Variants in SLC24A2 observed in about 807,000 individuals in gnomAD.
The protein encoded by SLC24A2 is solute carrier family 24 member 2.
In SLC24A2, 36 loss-of-function variants were observed where a neutral mutation model predicts 62.0. That is an observed-to-expected ratio of 0.58 (90% confidence interval 0.44 to 0.77). SLC24A2 has a LOEUF of 0.77. Among genes scored for constraint, SLC24A2 ranks in the 30% least tolerant of loss-of-function variants. SLC24A2 has a pLI of 0.00. For synonymous variants in SLC24A2, 358 were observed against 294.0 expected, an observed-to-expected ratio of 1.22 and a Z score of -2.23; for missense variants, 846 against 817.9, an observed-to-expected ratio of 1.03 and a Z score of -0.42.
At chr9:19,857,057 G>C in the SLC24A2 span, among the ~76,000 whole-genome samples, 1 of 152,172 alleles carries the variant, frequency 6.6e-6, no homozygotes, top group African/African-American at 2.4e-5. Flanking sequence ...TACAGTTGTG[G>C]AAGTACAAAG....
At chr9:19,763,029 C>G (rs755704191) in intron 2 of SLC24A2, among the ~76,000 whole-genome samples, 4 of 151,984 alleles carry the variant, frequency 2.6e-5, no homozygotes, top group Non-Finnish European at 5.9e-5. Flanking sequence ...TTGAGGTGGT[C>G]CTTCACATCC....
chr9:19,591,797 G>A (rs1350898078), intron 5 of SLC24A2, among the ~76,000 whole-genome samples: 1 of 152,176 alleles, frequency 6.6e-6, no homozygotes, highest in Non-Finnish European at 1.5e-5. Context: ...ACACTTGAGA[G>A]AAAAATAAAC....
chr9:19,887,548 A>T, the SLC24A2 span, among the ~76,000 whole-genome samples: 3 of 152,180 alleles, frequency 2.0e-5, no homozygotes, highest in African/African-American at 7.2e-5. Flanking sequence ...AAATAAAAAA[A>T]TAATAGATGT....
chr9:19,842,876 C>G, the SLC24A2 span, among the ~76,000 whole-genome samples: 1 of 152,132 alleles, frequency 6.6e-6, no homozygotes, highest in Non-Finnish European at 1.5e-5. Flanking sequence ...TCCTGGGGAT[C>G]TCTCCCTTCT....
the SLC24A2 span, among the ~76,000 whole-genome samples, chr9:20,176,693 ATGGGTCTTAGGTCTACTTTGCTTG>A: frequency 3.3e-5 from 5 of 152,206 alleles, no homozygotes; most frequent in African/African-American, 1.2e-4. Flanking sequence ...ATTGGTGACT[ATGGGTCTTAGGTCTACTTTGCTTG>A]TAAACGTTGA....
chr9:19,558,376 G>C (rs1189058717), intron 7 of SLC24A2, among the ~76,000 whole-genome samples: 1 of 152,158 alleles, frequency 6.6e-6, no homozygotes, highest in Non-Finnish European at 1.5e-5. Context: ...AGAAAGACTT[G>C]TCTTTTAGCA....
At chr9:19,865,107 G>T in the SLC24A2 span, among the ~76,000 whole-genome samples, 2 of 151,932 alleles carry the variant, frequency 1.3e-5, no homozygotes, top group African/African-American at 4.8e-5. Flanking sequence ...AATTAAATAC[G>T]TAGGAATCGA....
chr9:20,154,381 G>T, the SLC24A2 span, among the ~76,000 whole-genome samples: 1 of 151,796 alleles, frequency 6.6e-6, no homozygotes, highest in African/African-American at 2.4e-5. Flanking sequence ...ATGTTGATTG[G>T]TGGGACAGAT....
At chr9:20,132,900 G>A in the SLC24A2 span, among the ~76,000 whole-genome samples, 1 of 152,018 alleles carries the variant, frequency 6.6e-6, no homozygotes, top group Admixed American at 6.6e-5. Context: ...TTACTAAGTG[G>A]TATAATCTAT....
At chr9:19,610,838 A>C (rs1837138674) in intron 4 of SLC24A2, among the ~76,000 whole-genome samples, 1 of 152,236 alleles carries the variant, frequency 6.6e-6, no homozygotes, top group Non-Finnish European at 1.5e-5. Context: ...CTAGCAGAAA[A>C]ATTATAAAGG....
the SLC24A2 span, among the ~76,000 whole-genome samples, chr9:20,270,404 G>C: frequency 3.5e-3 from 529 of 152,242 alleles, 9 homozygotes; most frequent in Admixed American, 0.034. Flanking sequence ...CGTAATTTAA[G>C]AGAATTAGTC....
chr9:20,210,577 C>T, the SLC24A2 span, among the ~76,000 whole-genome samples: 1 of 149,194 alleles, frequency 6.7e-6, no homozygotes, highest in Non-Finnish European at 1.5e-5. Flanking sequence ...GGGTTCACGC[C>T]ATTCTCCTGC....
chr9:20,037,810 C>G, the SLC24A2 span, among the ~76,000 whole-genome samples: 2 of 152,130 alleles, frequency 1.3e-5, no homozygotes, highest in Admixed American at 6.5e-5. Flanking sequence ...TAAATGGCCT[C>G]TAGTAGGTGG....
the SLC24A2 span, among the ~76,000 whole-genome samples, chr9:20,216,034 G>A: frequency 5.3e-5 from 8 of 152,160 alleles, no homozygotes; most frequent in African/African-American, 1.9e-4. Flanking sequence ...TTACAGCAGG[G>A]GAAACCCATT....
At chr9:20,144,658 GACC>G in the SLC24A2 span, among the ~76,000 whole-genome samples, 1 of 152,128 alleles carries the variant, frequency 6.6e-6, no homozygotes, top group Non-Finnish European at 1.5e-5. Flanking sequence ...ACTGTGGGGG[GACC>G]ACATTCCTGG....
intron 2 of SLC24A2, among the ~76,000 whole-genome samples, chr9:19,624,267 G>A (rs1817978706): frequency 1.3e-5 from 2 of 152,110 alleles, no homozygotes. Context: ...TGGCTAAATG[G>A]GAGACCAATA....
At chr9:20,221,402 G>C in the SLC24A2 span, among the ~76,000 whole-genome samples, 1 of 151,898 alleles carries the variant, frequency 6.6e-6, no homozygotes, top group Non-Finnish European at 1.5e-5. Flanking sequence ...AGAAAAGAAA[G>C]TTACCATGAA....
At chr9:19,898,767 ATAGGACAATGTC>A in the SLC24A2 span, among the ~76,000 whole-genome samples, 1 of 150,530 alleles carries the variant, frequency 6.6e-6, no homozygotes, top group East Asian at 1.9e-4. Context: ...AAAAAAAAGA[ATAGGACAATGTC>A]TAGGACAATG....
At chr9:20,217,760 A>T in the SLC24A2 span, among the ~76,000 whole-genome samples, 1 of 152,138 alleles carries the variant, frequency 6.6e-6, no homozygotes, top group African/African-American at 2.4e-5. Flanking sequence ...ATCTGTTTCA[A>T]ATTATTGTAC....
Sources: allele counts gnomAD v4.1 joint callset (sites outside exome capture counted in the v4.1 genomes callset), GRCh38; gene constraint gnomAD v4.1.1; transcripts MANE v1.5; gene names NCBI Gene and HGNC (gene_info 2026-07-23, HGNC 2026-07-21).